Variants in SYNJ2 observed in about 807,000 individuals in gnomAD.
SYNJ2 encodes synaptojanin 2.
A neutral mutation model predicts 141.3 loss-of-function variants in SYNJ2; 116 were observed. The ratio of observed to expected loss-of-function variants is 0.82; its 90% CI spans 0.71 to 0.96. The LOEUF (loss-of-function observed/expected upper bound fraction) is 0.96, where lower values mean the gene tolerates loss of function less well. Among genes scored for constraint, SYNJ2 ranks in the 40% least tolerant of loss-of-function variants. SYNJ2 has a pLI of 0.00. For missense variants in SYNJ2, 1,873 were observed against 1,934.8 expected (o/e 0.97, Z 0.60); for synonymous variants, 745 against 777.7 (o/e 0.96, Z 0.70).
rs1781249444 is a variant in SYNJ2 at position 158,061,983 on chromosome 6, T to A, written c.955-9T>A. ...TGCTCCCCTCACCGCCCTCCCCTCC[T>A]CTTTTCAGAAGCTGCTCTGGGCTTC... On this transcript the variant is annotated splice_polypyrimidine_tract_variant and intron_variant, in intron 7 of 26. Transcript: ENST00000355585. 1 of 1,613,158 alleles carries A rather than the reference T, an allele frequency of 6.2e-7. No individual in the cohort carries two copies. Among genetic ancestry groups the A allele is most frequent in the East Asian group, 2.2e-5 (1 of 44,870 alleles).
chr6:157,995,980 A>T (rs977823402), intron 1 of SYNJ2, among the ~76,000 whole-genome samples: 3 of 152,196 alleles, frequency 2.0e-5, no homozygotes, highest in Admixed American at 6.5e-5. Context: ...ATGTTCTTGG[A>T]GTGGGAACAT....
intron 2 of SYNJ2, among the ~76,000 whole-genome samples, chr6:158,023,848 TG>T (rs1036428398): frequency 6.6e-6 from 1 of 152,150 alleles, no homozygotes; most frequent in African/African-American, 2.4e-5. Context: ...AGAATTTAAT[TG>T]GGGTATCAGC....
At chr6:158,023,595 G>A (rs1270894156) in intron 2 of SYNJ2, among the ~76,000 whole-genome samples, 1 of 152,172 alleles carries the variant, frequency 6.6e-6, no homozygotes, top group Non-Finnish European at 1.5e-5. Flanking sequence ...CACCTGTGAT[G>A]GAGGACAGGG....
At chr6:158,058,797 G>A (rs1340800937) in intron 6 of SYNJ2, among the ~76,000 whole-genome samples, 1 of 152,194 alleles carries the variant, frequency 6.6e-6, no homozygotes, top group African/African-American at 2.4e-5. Context: ...GCCAGATGTG[G>A]TGGCATGTAC....
In SYNJ2 at chr6:158,025,534, G is replaced by A. The variant is rs537656013; in HGVS notation, c.215-3222G>A. 1.1e-4 allele frequency among the ~76,000 whole-genome samples: 17 copies of A among 151,834 alleles called. No individual in the cohort carries two copies. The South Asian group carries it at 2.3e-3, about 21-fold the overall frequency. ...CTACCAAAAATACAAAAAATTAGCC[G>A]GTATAATCCCAGCAACTCGGGAGGC... On this transcript the variant is annotated intron_variant, in intron 2 of 26. Coordinates refer to ENST00000355585, the MANE Select transcript of SYNJ2 (RefSeq NM_003898.4).
Position 158,070,956 on chromosome 6 carries a change from G to A in SYNJ2, c.1941-646G>A, listed in dbSNP as rs559987188. On this transcript the variant is annotated intron_variant, in intron 14 of 26. Coordinates refer to ENST00000355585, the MANE Select transcript of SYNJ2 (RefSeq NM_003898.4). This position sits in a 1 kb window ranked among gnomAD's most constrained non-coding sequence, Gnocchi z 4.0. Reference sequence around the variant, plus strand: ...CCAGCACTTTGGGAGGCCAAGGCAGGCAGATCACTTGAGGTGAGGAGTTTG... The same window carrying A: ...CCAGCACTTTGGGAGGCCAAGGCAGACAGATCACTTGAGGTGAGGAGTTTG... Among the ~76,000 whole-genome samples, 1 of 152,274 alleles carries A rather than the reference G, an allele frequency of 6.6e-6. No homozygotes were observed. Among genetic ancestry groups the A allele is most frequent in the East Asian group, 1.9e-4 (1 of 5,172 alleles).
intron 12 of SYNJ2, 199 bp downstream of exon 12, chr6:158,066,834 T>C (rs905620539): frequency 4.7e-6 from 3 of 632,560 alleles, no homozygotes; most frequent in Non-Finnish European, 8.3e-6. Flanking sequence ...CCCAGATGTT[T>C]AGAAGAGTTA....
chr6:158,004,120 C>T (rs955908692), intron 1 of SYNJ2, among the ~76,000 whole-genome samples: 17 of 152,288 alleles, frequency 1.1e-4, no homozygotes, highest in South Asian at 1.0e-3. Flanking sequence ...AGGGAACCAG[C>T]TCAGTTAACC....
intron 1 of SYNJ2, among the ~76,000 whole-genome samples, chr6:157,986,336 C>A (rs1382424116): frequency 6.6e-6 from 1 of 152,066 alleles, no homozygotes; most frequent in Non-Finnish European, 1.5e-5. Context: ...GTGCTTCTCC[C>A]GCGGGTTTTG....
intron 18 of SYNJ2, among the ~76,000 whole-genome samples, chr6:158,079,770 A>G (rs1782556769): frequency 6.6e-6 from 1 of 152,318 alleles, no homozygotes; most frequent in East Asian, 1.9e-4. Flanking sequence ...TGCTAGCTCA[A>G]TGTATTTTGA....
intron 17 of SYNJ2, among the ~76,000 whole-genome samples, chr6:158,077,234 T>C (rs1479420076): frequency 6.6e-6 from 1 of 152,148 alleles, no homozygotes; most frequent in African/African-American, 2.4e-5. Flanking sequence ...CCTCAGGTGA[T>C]CTGCCCACCT....
chr6:158,025,491 C>A (rs1778994158), intron 2 of SYNJ2, among the ~76,000 whole-genome samples: 1 of 151,914 alleles, frequency 6.6e-6, no homozygotes, highest in African/African-American at 2.4e-5. Flanking sequence ...GCCTGGCCAA[C>A]ATGGTAACAC....
At position 157,982,095 on chromosome 6, in the gene SYNJ2, C is replaced by T. The variant is rs183756556; in HGVS notation, c.127+7C>T. ...GGCACGGTGGCCACGCTGGGTGAGT[C>T]CGGGCCGGGGGCAGCGACGCCCGGA... On this transcript the variant is annotated splice_region_variant and intron_variant, in intron 1 of 26. Transcript: ENST00000355585. The surrounding 1 kb of genome is among the most constrained non-coding windows in gnomAD (Gnocchi z 4.0). 0.016 allele frequency: 21,596 copies of T among 1,323,634 alleles called. 231 individuals carry two copies. The highest frequency in any genetic ancestry group is 0.018 in the Middle Eastern group (64 of 3,570). The allele number at this position is 1,323,634 out of a possible 1,614,324, so 82.0% of individuals were successfully genotyped here. A position where few individuals can be genotyped will look rare whatever the true frequency, so the allele number is the denominator to read the frequency against.
At position 158,028,803 on chromosome 6, in the gene SYNJ2, G is replaced by A; in HGVS notation, c.262G>A (p.Val88Met). The A allele has an allele frequency of 6.2e-7, 1 of 1,614,180 alleles. No homozygotes were observed. The highest frequency in any genetic ancestry group is 8.5e-7 in the Non-Finnish European group (1 of 1,180,026). The change falls in exon 3 of 27, where the codon GTG (valine) becomes ATG (methionine). Residue 88 changes from valine to methionine, a missense_variant. Physicochemically the swap from Val to Met is conservative, Grantham distance 21. Transcript: ENST00000355585. Reference protein sequence around the residue: ...FLVLVTGCTSVGRIPDAEIYK... With the variant: ...FLVLVTGCTSMGRIPDAEIYK... Reference sequence around the variant, plus strand: ...GGTGTTGGTGACAGGCTGCACATCTGTGGGCAGAATTCCAGATGCTGAAAT... The same window carrying A: ...GGTGTTGGTGACAGGCTGCACATCTATGGGCAGAATTCCAGATGCTGAAAT...
At chr6:158,066,708 T>C (rs1477101578) in intron 12 of SYNJ2, 73 bp downstream of exon 12, 4 of 1,400,474 alleles carry the variant, frequency 2.9e-6, no homozygotes, top group Middle Eastern at 3.8e-4. Flanking sequence ...GACCCTTTAG[T>C]GGCCATCGTC....
rs746663072 is a variant in SYNJ2 at position 158,043,325 on chromosome 6, A to G, written c.721A>G (p.Met241Val). 89 of 1,613,820 alleles carry G rather than the reference A, an allele frequency of 5.5e-5. No homozygotes were observed. The highest frequency in any genetic ancestry group is 7.7e-5 in the South Asian group (7 of 91,084). The change falls in exon 5 of 27, where the codon ATG becomes GTG. Residue 241 changes from methionine (M) to valine (V), a missense_variant. Met to Val is a conservative substitution (Grantham distance 21). Transcript: ENST00000355585. The surrounding 1 kb of genome is among the most constrained non-coding windows in gnomAD (Gnocchi z 4.0). ...NFVETEQMIY[M>V]DDGVSSFVQI... ...TTTCCTTGTGCCGCAGATGATTTAC[A>G]TGGACGATGGAGTGTCATCTTTTGT...
Position 158,061,032 on chromosome 6 carries a change from T to A in SYNJ2, c.955-960T>A, listed in dbSNP as rs549287703. Among the ~76,000 whole-genome samples, 5 of 152,394 alleles carry A rather than the reference T, an allele frequency of 3.3e-5. No individual in the cohort carries two copies. The South Asian group carries it at 1.0e-3, about 32-fold the overall frequency. On this transcript the variant is annotated intron_variant, in intron 7 of 26. Transcript: ENST00000355585. The stretch of plus-strand genomic sequence containing the variant: ...GCACTGGCTGTGGAATGCATGGCAC[T>A]GAGCCACCAGGCACTGTTGGGCTCC...
Position 158,071,902 on chromosome 6 carries a change from T to C in SYNJ2, c.2133+108T>C. 11 of 1,297,516 alleles carry C rather than the reference T, an allele frequency of 8.5e-6. No individual in the cohort carries two copies. Among genetic ancestry groups the C allele is most frequent in the Non-Finnish European group, 1.2e-5 (11 of 952,678 alleles). 80.4% of individuals were successfully genotyped at this position (1,297,516 alleles called of 1,614,324 possible). A position where few individuals can be genotyped will look rare whatever the true frequency, so the allele number is the denominator to read the frequency against. ...GGACACAACCACAGGGAGGGCCCCT[T>C]CCTGGAGGGCTCAGCGCTGGGGGAG... On this transcript the variant is annotated intron_variant, in intron 15 of 26. Coordinates refer to ENST00000355585, the MANE Select transcript of SYNJ2 (RefSeq NM_003898.4). The surrounding 1 kb of genome is among the most constrained non-coding windows in gnomAD (Gnocchi z 4.3).
chr6:158,061,865 T>A, intron 7 of SYNJ2, 127 bp from the exon 8 acceptor site: 1 of 962,572 alleles, frequency 1.0e-6, no homozygotes, highest in Non-Finnish European at 1.6e-6. Flanking sequence ...ACTGTGAGCT[T>A]CCAGCTAAAG....
Sources: gnomAD v4.1 joint callset for allele counts (sites outside exome capture counted in the v4.1 genomes callset) on GRCh38, gnomAD v4.1.1 for gene constraint, Gnocchi (gnomAD v3.1) non-coding constraint, MANE v1.5 for transcripts, NCBI Gene and HGNC (gene_info 2026-07-23, HGNC 2026-07-21) for gene names.